ADAM22: variants seen among roughly 807,000 people sequenced by gnomAD.
The protein encoded by ADAM22 is disintegrin and metalloproteinase domain-containing protein 22.
Under a neutral mutation model 144.6 loss-of-function variants are expected in ADAM22, and 65 were observed. That is an observed-to-expected ratio of 0.45 (90% CI 0.37 to 0.55). The LOEUF (loss-of-function observed/expected upper bound fraction) is 0.55. ADAM22 is among the 20% of genes least tolerant of loss of function. The pLI, the probability that ADAM22 is intolerant of heterozygous loss-of-function variation, is 0.00. For missense variants in ADAM22, 974 were observed against 1,184.9 expected (o/e 0.82, Z 2.61); for synonymous variants, 391 against 412.6 (o/e 0.95, Z 0.63).
chr7:88,036,843 C>A (rs1039897911), intron 3 of ADAM22, among the ~76,000 whole-genome samples: 10 of 151,932 alleles, frequency 6.6e-5, no homozygotes, highest in Non-Finnish European at 1.3e-4. Context: ...GTAATCTTAC[C>A]ATTTGAAGAA....
At chr7:87,983,200 T>C (rs1050010703) in intron 3 of ADAM22, among the ~76,000 whole-genome samples, 2 of 152,166 alleles carry the variant, frequency 1.3e-5, no homozygotes, top group Non-Finnish European at 2.9e-5. Context: ...AGAATAATTT[T>C]GTCATTCTTC....
At chr7:87,997,714 A>G (rs963668681) in intron 3 of ADAM22, among the ~76,000 whole-genome samples, 1 of 152,140 alleles carries the variant, frequency 6.6e-6, no homozygotes, top group Admixed American at 6.5e-5. Context: ...GAATCTCTCA[A>G]ACCTCCCATT....
At chr7:87,943,521 A>C (rs1208128633) in intron 2 of ADAM22, among the ~76,000 whole-genome samples, 1 of 152,172 alleles carries the variant, frequency 6.6e-6, no homozygotes, top group Non-Finnish European at 1.5e-5. Flanking sequence ...ATAGAGTACA[A>C]CATGCTGTAT....
intron 3 of ADAM22, among the ~76,000 whole-genome samples, chr7:88,066,007 T>A (rs1230715685): frequency 6.6e-6 from 1 of 152,148 alleles, no homozygotes; most frequent in East Asian, 1.9e-4. Flanking sequence ...GATTCTTAGG[T>A]ACAAAGAATA....
At chr7:88,167,806 G>C (rs1216097019) in intron 24 of ADAM22, among the ~76,000 whole-genome samples, 1 of 152,150 alleles carries the variant, frequency 6.6e-6, no homozygotes, top group Non-Finnish European at 1.5e-5. Context: ...TGAGAAAGAG[G>C]TAAGGATCAA....
intron 14 of ADAM22, among the ~76,000 whole-genome samples, chr7:88,138,710 G>A (rs1833706342): frequency 6.6e-6 from 1 of 152,214 alleles, no homozygotes; most frequent in African/African-American, 2.4e-5. Flanking sequence ...TGGGGACAGA[G>A]GCAGGAGAGA....
intron 31 of ADAM22, among the ~76,000 whole-genome samples, chr7:88,194,001 C>G (rs535464956): frequency 1.4e-4 from 22 of 152,180 alleles, no homozygotes; most frequent in African/African-American, 5.1e-4. Flanking sequence ...TAAAAAATTA[C>G]CATTATATGT....
intron 3 of ADAM22, among the ~76,000 whole-genome samples, chr7:88,073,623 T>G (rs1429421534): frequency 6.6e-6 from 1 of 152,192 alleles, no homozygotes; most frequent in African/African-American, 2.4e-5. Context: ...AAGTGCACAG[T>G]GAGAGGCAAG....
At chr7:88,023,403 A>G (rs1798257308) in intron 3 of ADAM22, among the ~76,000 whole-genome samples, 1 of 152,196 alleles carries the variant, frequency 6.6e-6, no homozygotes, top group Non-Finnish European at 1.5e-5. Flanking sequence ...TTGTGTTACA[A>G]ACAATCCAAT....
At chr7:87,960,229 A>T (rs1554352086) in intron 2 of ADAM22, among the ~76,000 whole-genome samples, 1 of 152,194 alleles carries the variant, frequency 6.6e-6, no homozygotes, top group Admixed American at 6.5e-5. Flanking sequence ...TGTTTGTGTT[A>T]TTTCTCTTTT....
chr7:88,176,034 G>A (rs1199210932), intron 26 of ADAM22, among the ~76,000 whole-genome samples: 2 of 151,976 alleles, frequency 1.3e-5, no homozygotes, highest in South Asian at 2.1e-4. Flanking sequence ...GTGCAGTGGC[G>A]CGATCTCGGC....
rs976907269 is a variant in ADAM22 at position 88,111,343 on chromosome 7, C to T, written c.473+3085C>T. Among the ~76,000 whole-genome samples, 11 of 150,088 alleles carry T rather than the reference C, an allele frequency of 7.3e-5. No homozygotes were observed. In the Admixed American group the frequency reaches 7.4e-4, roughly 10 times the overall value. On this transcript the variant is annotated intron_variant, in intron 5 of 31. Transcript: ENST00000413139. ...ATATATTATGTCATCCATGACTCAT[C>T]CTTTATAAATTACCAAGTGCGTACT...
In ADAM22 at chr7:87,935,016, C is replaced by T. The variant is rs753681190; in HGVS notation, c.86-10C>T. ...TCTCCACTCCCTCCTTTCCCGGTTC[C>T]TGCCTGGAGGAGACGCCTCATTGAT... On this transcript the variant is annotated splice_polypyrimidine_tract_variant and intron_variant, in intron 1 of 31. Coordinates refer to ENST00000413139, the MANE Select transcript of ADAM22 (RefSeq NM_001324418.2). 1 of 1,614,158 alleles carries T rather than the reference C, an allele frequency of 6.2e-7. No individual in the cohort carries two copies. The highest frequency in any genetic ancestry group is 1.1e-5 in the South Asian group (1 of 91,086).
At chr7:88,013,097 C>T (rs755071352) in intron 3 of ADAM22, among the ~76,000 whole-genome samples, 2 of 152,318 alleles carry the variant, frequency 1.3e-5, no homozygotes, top group Non-Finnish European at 2.9e-5. Context: ...GTCTCTCATG[C>T]TTATGTTAGT....
At chr7:88,134,467 T>A in intron 13 of ADAM22, 48 bp downstream of exon 13, 2 of 1,413,036 alleles carry the variant, frequency 1.4e-6, no homozygotes, top group Non-Finnish European at 1.9e-6. Flanking sequence ...ATAGACTATT[T>A]GTGAAATATT....
At chr7:88,036,665 A>G (rs1453687451) in intron 3 of ADAM22, among the ~76,000 whole-genome samples, 2 of 152,074 alleles carry the variant, frequency 1.3e-5, no homozygotes, top group Non-Finnish European at 2.9e-5. Context: ...ATTTTAATTA[A>G]CTGTTCTCCC....
intron 3 of ADAM22, among the ~76,000 whole-genome samples, chr7:87,992,859 C>T (rs572739772): frequency 6.6e-6 from 1 of 152,248 alleles, no homozygotes; most frequent in South Asian, 2.1e-4. Context: ...CTTCCTCTGA[C>T]TCATTGTAGG....
intron 2 of ADAM22, among the ~76,000 whole-genome samples, chr7:87,967,433 G>C (rs566846888): frequency 6.6e-6 from 1 of 152,098 alleles, no homozygotes; most frequent in East Asian, 1.9e-4. Context: ...GACCAGCCTG[G>C]GCAATGTAGT....
intron 2 of ADAM22, among the ~76,000 whole-genome samples, chr7:87,950,761 T>G: frequency 6.7e-6 from 1 of 149,540 alleles, no homozygotes; most frequent in African/African-American, 2.5e-5. Context: ...ACCAACAGTG[T>G]AAAAGTGTTC....
Sources: allele counts gnomAD v4.1 joint callset (sites outside exome capture counted in the v4.1 genomes callset), GRCh38; gene constraint gnomAD v4.1.1; transcripts MANE v1.5; gene names NCBI Gene and HGNC (gene_info 2026-07-23, HGNC 2026-07-21).